CRYBG1: variants seen among roughly 807,000 people sequenced by gnomAD.
The protein encoded by CRYBG1 is beta/gamma crystallin domain-containing protein 1.
CRYBG1 carries 139 observed loss-of-function variants against 189.2 expected under a neutral mutation model. The ratio of observed to expected loss-of-function variants is 0.73; its 90% CI spans 0.64 to 0.85. The LOEUF (loss-of-function observed/expected upper bound fraction) is 0.85. Among genes scored for constraint, CRYBG1 ranks in the 40% least tolerant of loss-of-function variants. The pLI is 0.00. For missense variants in CRYBG1, 2,611 were observed against 2,675.8 expected (o/e 0.98, Z 0.53); for synonymous variants, 1,023 against 1,017.1 (o/e 1.01, Z -0.11).
intron 1 of CRYBG1, among the ~76,000 whole-genome samples, chr6:106,401,337 G>A (rs111584949): frequency 1.2e-4 from 18 of 150,402 alleles, no homozygotes; most frequent in South Asian, 2.1e-4. Flanking sequence ...AGAATTTCTC[G>A]TCATATTTTC....
At chr6:106,524,338 G>C (rs140553163) in intron 4 of CRYBG1, among the ~76,000 whole-genome samples, 1 of 151,976 alleles carries the variant, frequency 6.6e-6, no homozygotes, top group Non-Finnish European at 1.5e-5. Flanking sequence ...TGAGGCAGGC[G>C]GATCACGAGG....
intron 2 of CRYBG1, among the ~76,000 whole-genome samples, chr6:106,453,714 G>T (rs1306029227): frequency 6.6e-6 from 1 of 152,238 alleles, no homozygotes; most frequent in Non-Finnish European, 1.5e-5. Context: ...CAAAAAACAA[G>T]TTCCTTGAGG....
chr6:106,374,561 A>G (rs1482784902), intron 1 of CRYBG1, among the ~76,000 whole-genome samples: 2 of 152,142 alleles, frequency 1.3e-5, no homozygotes, highest in Non-Finnish European at 2.9e-5. Flanking sequence ...TCTCGCTGAA[A>G]ACAAACAAAT....
intron 3 of CRYBG1, among the ~76,000 whole-genome samples, chr6:106,514,873 C>G (rs75481219): frequency 2.6e-5 from 4 of 152,118 alleles, no homozygotes; most frequent in Non-Finnish European, 5.9e-5. Context: ...ATTTGTTTTG[C>G]GCAGTGCCTT....
rs536825252 is a variant in CRYBG1 at position 106,405,512 on chromosome 6, C to T, written c.173+44431C>T. ...GGCTCTGAAGAGAGCAGCAGATCTCCTATCACAGTGCTCAAGCTCTGCTAA... is the reference window on the plus strand; with the variant it reads ...GGCTCTGAAGAGAGCAGCAGATCTCTTATCACAGTGCTCAAGCTCTGCTAA... On this transcript the variant is annotated intron_variant, in intron 1 of 21. Coordinates refer to ENST00000633556, the MANE Select transcript of CRYBG1 (RefSeq NM_001371242.2). Among the ~76,000 whole-genome samples the T allele has an allele frequency of 1.1e-4, 17 of 152,362 alleles. No homozygotes were observed. The East Asian group carries it at 3.1e-3, about 28-fold the overall frequency.
At chr6:106,471,747 C>A (rs1394282246) in intron 2 of CRYBG1, among the ~76,000 whole-genome samples, 1 of 151,598 alleles carries the variant, frequency 6.6e-6, no homozygotes, top group Non-Finnish European at 1.5e-5. Flanking sequence ...CCCTACCCCC[C>A]AGCCCCACTC....
chr6:106,407,230 G>A (rs1021646163), intron 1 of CRYBG1, among the ~76,000 whole-genome samples: 3 of 152,078 alleles, frequency 2.0e-5, no homozygotes, highest in African/African-American at 4.8e-5. Context: ...AGCAGGGGTT[G>A]CAATCCTAGT....
chr6:106,482,143 A>G (rs915342646), intron 2 of CRYBG1, among the ~76,000 whole-genome samples: 63 of 152,122 alleles, frequency 4.1e-4, no homozygotes, highest in Non-Finnish European at 2.1e-4. Flanking sequence ...TCCTCTTCCA[A>G]CCTCACGTAG....
Position 106,518,975 on chromosome 6 carries a change from G to GCA in CRYBG1, c.1923-141_1923-140dup, listed in dbSNP as rs377748036. On this transcript the variant is annotated intron_variant, in intron 3 of 21. Coordinates refer to ENST00000633556, the MANE Select transcript of CRYBG1 (RefSeq NM_001371242.2). ...CCTTGTCTTAAAAACACATGTGTGC[G>GCA]CACACACACACACACATACACACAC... 7.4e-3 allele frequency among the ~76,000 whole-genome samples: 991 copies of GCA among 134,330 alleles called. 12 individuals are homozygous for GCA. The highest frequency in any genetic ancestry group is 0.02 in the African/African-American group (726 of 36,916). The allele number at this position is 134,330 out of a possible 152,430, so 88.1% of individuals were successfully genotyped here.
intron 1 of CRYBG1, among the ~76,000 whole-genome samples, chr6:106,429,087 C>G (rs1314487262): frequency 1.3e-5 from 2 of 151,896 alleles, no homozygotes; most frequent in Non-Finnish European, 2.9e-5. Flanking sequence ...ATCTGTAAGG[C>G]TGGCAGAGTT....
intron 17 of CRYBG1, among the ~76,000 whole-genome samples, chr6:106,557,658 C>G (rs928327053): frequency 3.3e-5 from 5 of 151,968 alleles, no homozygotes; most frequent in African/African-American, 1.2e-4. Context: ...ATCTCAAACT[C>G]CTGACCTCAA....
At position 106,521,426 on chromosome 6, in the gene CRYBG1, T is replaced by C; in HGVS notation, c.4218T>C (p.Phe1406=). The change falls in exon 4 of 22, where the codon TTT becomes TTC. Residue 1406 remains phenylalanine (F), a synonymous_variant. Transcript: ENST00000633556. ...GCCGGTATGACCCAAGCATTTCTTT[T>C]TCTGGAATGTCATTATCAGACACAA... ...KSSRYDPSIS[F]SGMSLSDTMT... 4 of 1,586,580 alleles carry C rather than the reference T, an allele frequency of 2.5e-6. No homozygotes were observed. The highest frequency in any genetic ancestry group is 3.4e-6 in the Non-Finnish European group (4 of 1,169,902).
At chr6:106,531,555 C>T (rs1773875588) in intron 8 of CRYBG1, among the ~76,000 whole-genome samples, 1 of 152,132 alleles carries the variant, frequency 6.6e-6, no homozygotes. Context: ...TTTCTCATCG[C>T]AGGGAGTACT....
chr6:106,376,786 C>A (rs1257135294), intron 1 of CRYBG1, among the ~76,000 whole-genome samples: 2 of 152,126 alleles, frequency 1.3e-5, no homozygotes, highest in Non-Finnish European at 2.9e-5. Flanking sequence ...CGGTTCTCTG[C>A]TGAGAACCTG....
chr6:106,385,521 A>G (rs970486791), intron 1 of CRYBG1, among the ~76,000 whole-genome samples: 1 of 152,234 alleles, frequency 6.6e-6, no homozygotes, highest in African/African-American at 2.4e-5. Context: ...TTCCTGATAC[A>G]TAATCATTCA....
chr6:106,380,463 A>T (rs1246633121), intron 1 of CRYBG1, among the ~76,000 whole-genome samples: 1 of 151,872 alleles, frequency 6.6e-6, no homozygotes, highest in Non-Finnish European at 1.5e-5. Flanking sequence ...CACCTAAATG[A>T]CTCTAATGGG....
In CRYBG1 at chr6:106,551,769, T is replaced by G. The variant is rs573129347; in HGVS notation, c.5313-83T>G. The G allele has an allele frequency of 1.2e-4, 166 of 1,426,924 alleles. No homozygotes were observed. In the African/African-American group the frequency reaches 2.1e-3, roughly 18 times the overall value. The allele number at this position is 1,426,924 out of a possible 1,614,324, so 88.4% of individuals were successfully genotyped here. A position where few individuals can be genotyped will look rare whatever the true frequency, so the allele number is the denominator to read the frequency against. ...AATTGGCAAAACAAATGAAAGTTTCTGTATGATACATAGATATCCAAATAT... is the reference window on the plus strand; with the variant it reads ...AATTGGCAAAACAAATGAAAGTTTCGGTATGATACATAGATATCCAAATAT... On this transcript the variant is annotated intron_variant, in intron 13 of 21. Coordinates refer to ENST00000633556, the MANE Select transcript of CRYBG1 (RefSeq NM_001371242.2).
At chr6:106,516,240 T>C (rs1425496370) in intron 3 of CRYBG1, among the ~76,000 whole-genome samples, 3 of 60,560 alleles carry the variant, frequency 5.0e-5, no homozygotes, top group African/African-American at 2.3e-4. Context: ...CCCAAGCTTC[T>C]TTTTTTTTTT....
At chr6:106,374,204 T>C (rs1770102164) in intron 1 of CRYBG1, among the ~76,000 whole-genome samples, 1 of 152,142 alleles carries the variant, frequency 6.6e-6, no homozygotes, top group African/African-American at 2.4e-5. Context: ...ATATTCACCA[T>C]TAAAATGATA....
Sources: gnomAD v4.1 joint callset for allele counts (sites outside exome capture counted in the v4.1 genomes callset) on GRCh38, gnomAD v4.1.1 for gene constraint, MANE v1.5 for transcripts, NCBI Gene and HGNC (gene_info 2026-07-23, HGNC 2026-07-21) for gene names.